Variants in GTF2IRD1 observed in about 807,000 individuals in gnomAD.
GTF2IRD1 encodes the protein general transcription factor II-I repeat domain-containing protein 1.
Under a neutral mutation model 113.2 loss-of-function variants are expected in GTF2IRD1, and 26 were observed. The ratio of observed to expected loss-of-function variants is 0.23; its 90% confidence interval spans 0.17 to 0.32. The LOEUF is 0.32. GTF2IRD1 is among the 10% of genes least tolerant of loss of function. GTF2IRD1 has a pLI of 1.00. For synonymous variants in GTF2IRD1, 484 were observed against 529.1 expected, an observed-to-expected ratio of 0.91 and a Z score of 1.17; for missense variants, 864 against 1,280.8, an observed-to-expected ratio of 0.67 and a Z score of 4.97.
intron 1 of GTF2IRD1, among the ~76,000 whole-genome samples, chr7:74,460,555 C>A (rs2116887777): frequency 6.6e-6 from 1 of 152,230 alleles, no homozygotes. Context: ...TTGGTCGGGC[C>A]TCCTCCAGCC....
At chr7:74,490,371 G>T (rs891515724) in intron 1 of GTF2IRD1, among the ~76,000 whole-genome samples, 2 of 152,062 alleles carry the variant, frequency 1.3e-5, no homozygotes, top group African/African-American at 4.8e-5. Context: ...GAGCAGATAC[G>T]AATGGAAGGC....
At chr7:74,473,303 C>T (rs1221993685) in intron 1 of GTF2IRD1, among the ~76,000 whole-genome samples, 6 of 152,218 alleles carry the variant, frequency 3.9e-5, no homozygotes, top group Non-Finnish European at 7.3e-5. Flanking sequence ...GGAACCCAGT[C>T]TCAGGGACGT....
intron 22 of GTF2IRD1, among the ~76,000 whole-genome samples, chr7:74,566,635 C>G (rs183026709): frequency 4.7e-4 from 72 of 152,358 alleles, no homozygotes; most frequent in Admixed American, 2.1e-3. Context: ...AGCCACCATG[C>G]CTGACCACGT....
chr7:74,469,002 G>A (rs552473787), intron 1 of GTF2IRD1, among the ~76,000 whole-genome samples: 20 of 151,250 alleles, frequency 1.3e-4, no homozygotes, highest in African/African-American at 3.4e-4. Context: ...GGAGAATGAC[G>A]TGAACCCGGG....
intron 1 of GTF2IRD1, among the ~76,000 whole-genome samples, chr7:74,491,588 C>A (rs1795349780): frequency 6.6e-6 from 1 of 152,018 alleles, no homozygotes; most frequent in Non-Finnish European, 1.5e-5. Context: ...ATTTGGTTTT[C>A]TGTTCTTGTG....
intron 1 of GTF2IRD1, among the ~76,000 whole-genome samples, chr7:74,467,939 C>T (rs1249877845): frequency 2.0e-5 from 3 of 152,176 alleles, no homozygotes; most frequent in Middle Eastern, 3.2e-3. Context: ...AGGTGATCCG[C>T]CTCTGGGCTA....
At chr7:74,468,168 A>G (rs1434938458) in intron 1 of GTF2IRD1, among the ~76,000 whole-genome samples, 1 of 152,110 alleles carries the variant, frequency 6.6e-6, no homozygotes, top group Non-Finnish European at 1.5e-5. Flanking sequence ...ATTTGGCTAC[A>G]GGTAATTAAA....
intron 1 of GTF2IRD1, among the ~76,000 whole-genome samples, chr7:74,471,203 T>A (rs1794061236): frequency 6.6e-6 from 1 of 152,198 alleles, no homozygotes; most frequent in Admixed American, 6.5e-5. Flanking sequence ...TGAAATGCGT[T>A]TTGATTACGG....
intron 1 of GTF2IRD1, among the ~76,000 whole-genome samples, chr7:74,485,387 G>T (rs2117158694): frequency 6.6e-6 from 1 of 152,334 alleles, no homozygotes; most frequent in Non-Finnish European, 1.5e-5. Context: ...AGAGGCCGAG[G>T]CGGGCGGATC....
chr7:74,507,459 G>A (rs1796361417), intron 1 of GTF2IRD1: 1 of 152,336 alleles, frequency 6.6e-6, no homozygotes, highest in South Asian at 2.1e-4. Flanking sequence ...GCAACAGAGT[G>A]AGACTCTGTC....
intron 11 of GTF2IRD1, 116 bp from the exon 12 acceptor site, chr7:74,538,020 A>G: frequency 2.2e-6 from 2 of 890,022 alleles, no homozygotes; most frequent in Admixed American, 1.8e-5. Flanking sequence ...CGATGGGGAC[A>G]GGGATGCCTT....
intron 8 of GTF2IRD1, among the ~76,000 whole-genome samples, chr7:74,525,518 G>A (rs1036023251): frequency 1.1e-4 from 16 of 152,148 alleles, no homozygotes; most frequent in Non-Finnish European, 1.8e-4. Context: ...TTGGGAGGCC[G>A]AGGCAGGTGA....
chr7:74,594,286 A>G (rs1477756015), intron 24 of GTF2IRD1, among the ~76,000 whole-genome samples: 1 of 151,946 alleles, frequency 6.6e-6, no homozygotes, highest in African/African-American at 2.4e-5. Flanking sequence ...AGGCTGAGGC[A>G]GGAGGATCGA....
chr7:74,533,069 C>T (rs587665929), intron 9 of GTF2IRD1, among the ~76,000 whole-genome samples: 14 of 151,974 alleles, frequency 9.2e-5, no homozygotes, highest in African/African-American at 3.4e-4. Context: ...AGCCCAGCCC[C>T]GCCCTCTCAG....
At chr7:74,522,782 C>A (rs1797366759) in intron 7 of GTF2IRD1, among the ~76,000 whole-genome samples, 1 of 152,252 alleles carries the variant, frequency 6.6e-6, no homozygotes, top group Non-Finnish European at 1.5e-5. Context: ...TTCCTATCTG[C>A]AAAATGGGAC....
At chr7:74,571,087 G>A in intron 22 of GTF2IRD1, 1 of 985,184 alleles carries the variant, frequency 1.0e-6, no homozygotes, top group African/African-American at 1.7e-5. Flanking sequence ...GGGACTGTGG[G>A]AAGGCAGCGC....
intron 22 of GTF2IRD1, among the ~76,000 whole-genome samples, chr7:74,586,478 C>T (rs587619021): frequency 6.6e-6 from 1 of 152,288 alleles, no homozygotes; most frequent in South Asian, 2.1e-4. Flanking sequence ...TCTGGGCACG[C>T]AGGGGGGCTG....
At chr7:74,518,978 T>C (rs1797108713) in intron 5 of GTF2IRD1, among the ~76,000 whole-genome samples, 1 of 152,038 alleles carries the variant, frequency 6.6e-6, no homozygotes, top group African/African-American at 2.4e-5. Context: ...TAATTAGGGA[T>C]CCAGGGGAGA....
chr7:74,537,167 T>G (rs1554350425), intron 11 of GTF2IRD1, among the ~76,000 whole-genome samples: 1 of 151,882 alleles, frequency 6.6e-6, no homozygotes, highest in East Asian at 1.9e-4. Flanking sequence ...CCCAGCACTT[T>G]GCGAGGCTGA....
Sources: allele counts gnomAD v4.1 joint callset (sites outside exome capture counted in the v4.1 genomes callset), GRCh38; gene constraint gnomAD v4.1.1; transcripts MANE v1.5; gene names NCBI Gene and HGNC (gene_info 2026-07-23, HGNC 2026-07-21).